KCND3: variants seen among roughly 807,000 people sequenced by gnomAD.
KCND3 encodes the protein A-type voltage-gated potassium channel KCND3.
A neutral mutation model predicts 51.1 loss-of-function variants in KCND3; 9 were observed. The observed-to-expected ratio is 0.18, with a 90% CI of 0.11 to 0.31. The LOEUF (loss-of-function observed/expected upper bound fraction) is 0.31, where lower values mean the gene tolerates loss of function less well. Ranked by LOEUF, KCND3 falls within the 10% of genes least tolerant of loss-of-function variation. The pLI is 1.00. For synonymous variants in KCND3, 349 were observed against 368.0 expected, an observed-to-expected ratio of 0.95 and a Z score of 0.59; for missense variants, 526 against 903.8, an observed-to-expected ratio of 0.58 and a Z score of 5.36.
intron 2 of KCND3, among the ~76,000 whole-genome samples, chr1:111,847,209 C>T (rs1050983646): frequency 6.6e-6 from 1 of 152,194 alleles, no homozygotes; most frequent in Admixed American, 6.5e-5. Flanking sequence ...GCAGGGCCAT[C>T]TTCCTTCCCA....
chr1:111,833,408 T>C (rs367960189), intron 2 of KCND3, among the ~76,000 whole-genome samples: 1 of 152,208 alleles, frequency 6.6e-6, no homozygotes, highest in Non-Finnish European at 1.5e-5. Flanking sequence ...ATGAAGCCCA[T>C]AGGGGCAGTC....
intron 2 of KCND3, among the ~76,000 whole-genome samples, chr1:111,978,050 T>C (rs1355874777): frequency 1.3e-5 from 2 of 152,214 alleles, no homozygotes; most frequent in Admixed American, 6.5e-5. Flanking sequence ...GGAGGCTGCA[T>C]AGAAAAGCCA....
chr1:111,812,003 G>A (rs764317212), intron 2 of KCND3, among the ~76,000 whole-genome samples: 7 of 152,180 alleles, frequency 4.6e-5, no homozygotes, highest in African/African-American at 1.4e-4. Context: ...CGCCGGGCAC[G>A]TCAGCCTTCT....
intron 2 of KCND3, among the ~76,000 whole-genome samples, chr1:111,918,214 A>G (rs1671313707): frequency 6.6e-6 from 1 of 152,222 alleles, no homozygotes; most frequent in African/African-American, 2.4e-5. Context: ...TAAACTGTAA[A>G]ACAATGTACA....
At position 111,982,814 on chromosome 1, in the gene KCND3, G is replaced by A. The variant is rs1675039475; in HGVS notation, c.-72-16C>T. ...TCAGCAAACCCTGGGAGACAGGAGG[G>A]GAGAGAGAGAAGCGGTGAGTCCATA... On this transcript the variant is annotated splice_polypyrimidine_tract_variant and intron_variant, in intron 1 of 7. Transcript: ENST00000302127. The surrounding 1 kb of genome is among the most constrained non-coding windows in gnomAD (Gnocchi z 8.5). 6.6e-7 allele frequency: 1 copy of A among 1,518,478 alleles called. No individual in the cohort carries two copies. The highest frequency in any genetic ancestry group is 8.8e-7 in the Non-Finnish European group (1 of 1,131,484). 94.1% of individuals were successfully genotyped at this position (1,518,478 alleles called of 1,614,324 possible). A position where few individuals can be genotyped will look rare whatever the true frequency, so the allele number is the denominator to read the frequency against.
At chr1:111,891,721 G>A (rs1423431413) in intron 2 of KCND3, among the ~76,000 whole-genome samples, 4 of 152,124 alleles carry the variant, frequency 2.6e-5, no homozygotes, top group Non-Finnish European at 4.4e-5. Flanking sequence ...AGAAATTTTT[G>A]TCTGCCTTGT....
intron 2 of KCND3, among the ~76,000 whole-genome samples, chr1:111,958,317 A>G (rs978863657): frequency 6.6e-6 from 1 of 152,100 alleles, no homozygotes. Flanking sequence ...AGCTCCCCCA[A>G]ACCCTGCAGG....
At chr1:111,853,509 G>C (rs1667916226) in intron 2 of KCND3, among the ~76,000 whole-genome samples, 1 of 152,082 alleles carries the variant, frequency 6.6e-6, no homozygotes. Flanking sequence ...ATGTCACCTT[G>C]TCAGGCAACC....
chr1:111,821,279 G>A (rs774844288), intron 2 of KCND3, among the ~76,000 whole-genome samples: 3 of 152,170 alleles, frequency 2.0e-5, no homozygotes, highest in African/African-American at 4.8e-5. Flanking sequence ...GCCCAGCGAG[G>A]TCATTTACCT....
In KCND3 at chr1:111,832,896, C is replaced by T. The variant is rs149183938; in HGVS notation, c.1107-45790G>A. Among the ~76,000 whole-genome samples the T allele has an allele frequency of 1.2e-4, 19 of 152,312 alleles. No homozygotes were observed. The East Asian group carries it at 3.7e-3, about 29-fold the overall frequency. The stretch of plus-strand genomic sequence containing the variant: ...ATTTCTCCAGGAGCCATCTCTCCTC[C>T]CTCCTCCAGCTCACCACCAGCAAAC... On this transcript the variant is annotated intron_variant, in intron 2 of 7. Transcript: ENST00000302127.
chr1:111,849,253 C>G (rs1002152412), intron 2 of KCND3, among the ~76,000 whole-genome samples: 1 of 152,244 alleles, frequency 6.6e-6, no homozygotes, highest in Non-Finnish European at 1.5e-5. Flanking sequence ...CTTAATTTCC[C>G]CTTTTCCTGG....
chr1:111,969,169 C>T (rs753579784), intron 2 of KCND3, among the ~76,000 whole-genome samples: 4 of 152,088 alleles, frequency 2.6e-5, no homozygotes, highest in Admixed American at 1.3e-4. Context: ...GTTGGCCACA[C>T]GAGCCTCCAT....
chr1:111,950,520 A>AAAATTGTT (rs1315040780), intron 2 of KCND3, among the ~76,000 whole-genome samples: 1 of 152,256 alleles, frequency 6.6e-6, no homozygotes, highest in Non-Finnish European at 1.5e-5. Flanking sequence ...AGGTGCTATA[A>AAAATTGTT]AAATTGTTGA....
At chr1:111,830,564 G>T (rs1666791288) in intron 2 of KCND3, among the ~76,000 whole-genome samples, 1 of 152,208 alleles carries the variant, frequency 6.6e-6, no homozygotes, top group Non-Finnish European at 1.5e-5. Flanking sequence ...TCAAGAGTGG[G>T]TGGCTCCTTA....
At chr1:111,789,658 T>C (rs1664750510) in intron 2 of KCND3, among the ~76,000 whole-genome samples, 1 of 152,216 alleles carries the variant, frequency 6.6e-6, no homozygotes, top group Admixed American at 6.5e-5. Flanking sequence ...AATTGTGCCA[T>C]CAAATTGCTG....
intron 2 of KCND3, among the ~76,000 whole-genome samples, chr1:111,810,252 G>T (rs1026946778): frequency 1.3e-5 from 2 of 152,170 alleles, no homozygotes; most frequent in African/African-American, 4.8e-5. Context: ...ACTAGGTTAG[G>T]TGCCCTGGTC....
intron 2 of KCND3, among the ~76,000 whole-genome samples, chr1:111,914,785 G>A: frequency 7.5e-6 from 1 of 132,936 alleles, no homozygotes; most frequent in East Asian, 2.3e-4. Context: ...CCAGGAAAAA[G>A]GAAAATGATA....
intron 2 of KCND3, among the ~76,000 whole-genome samples, chr1:111,799,691 T>C (rs1180582309): frequency 6.6e-6 from 1 of 152,184 alleles, no homozygotes; most frequent in Non-Finnish European, 1.5e-5. Context: ...CAGAGCGCAA[T>C]GAAGTCTGGT....
At chr1:111,833,354 G>A (rs967101672) in intron 2 of KCND3, among the ~76,000 whole-genome samples, 15 of 152,330 alleles carry the variant, frequency 9.8e-5, no homozygotes, top group Middle Eastern at 3.4e-3. Context: ...CCTTGCACTC[G>A]TTTTATCGGT....
Sources: gnomAD v4.1 joint callset for allele counts (sites outside exome capture counted in the v4.1 genomes callset) on GRCh38, gnomAD v4.1.1 for gene constraint, Gnocchi (gnomAD v3.1) non-coding constraint, MANE v1.5 for transcripts, NCBI Gene and HGNC (gene_info 2026-07-23, HGNC 2026-07-21) for gene names.